Variants in COPG2 observed in about 807,000 individuals in gnomAD.
The protein encoded by COPG2 is coat protein complex I subunit gamma 2.
In COPG2, 37 loss-of-function variants were observed where a neutral mutation model predicts 46.3. That is an observed-to-expected ratio of 0.80 (90% CI 0.61 to 1.05). The LOEUF is 1.05. COPG2 is among the 50% of genes least tolerant of loss of function. COPG2 has a pLI of 0.00. For missense variants in COPG2, 427 were observed against 387.8 expected (o/e 1.10, Z -0.85); for synonymous variants, 159 against 129.7 (o/e 1.23, Z -1.53).
intron 5 of COPG2, among the ~76,000 whole-genome samples, chr7:130,632,889 C>T (rs1795257622): frequency 1.3e-5 from 2 of 152,114 alleles, no homozygotes; most frequent in Admixed American, 1.3e-4. Flanking sequence ...TGATATCCCT[C>T]CTCTAGCCCC....
intron 4 of COPG2, among the ~76,000 whole-genome samples, chr7:130,661,064 G>A (rs1795968131): frequency 6.6e-6 from 1 of 152,182 alleles, no homozygotes; most frequent in South Asian, 2.1e-4. Context: ...TCACCATGTA[G>A]CTGGAGAAAA....
intron 20 of COPG2, among the ~76,000 whole-genome samples, chr7:130,516,993 G>A (rs1263127295): frequency 3.3e-5 from 5 of 152,070 alleles, no homozygotes; most frequent in African/African-American, 1.2e-4. Flanking sequence ...CATGGGGAGG[G>A]GAGTATCCAG....
At chr7:130,520,464 A>G (rs1191336378) in intron 20 of COPG2, among the ~76,000 whole-genome samples, 4 of 152,252 alleles carry the variant, frequency 2.6e-5, no homozygotes, top group Non-Finnish European at 5.9e-5. Context: ...ATCACCAGCT[A>G]TCTGCTCATA....
intron 5 of COPG2, among the ~76,000 whole-genome samples, chr7:130,638,674 T>C (rs1795396561): frequency 6.6e-6 from 1 of 151,748 alleles, no homozygotes; most frequent in Non-Finnish European, 1.5e-5. Flanking sequence ...TCCGTGGGGG[T>C]GGGATCCACT....
chr7:130,511,124 A>C (rs1162246064), intron 20 of COPG2, among the ~76,000 whole-genome samples: 2 of 152,194 alleles, frequency 1.3e-5, no homozygotes, highest in African/African-American at 4.8e-5. Context: ...GAGTTGGGCC[A>C]GGGTACAGAA....
intron 20 of COPG2, chr7:130,508,866 TG>T: frequency 1.7e-6 from 1 of 577,102 alleles, no homozygotes; most frequent in Admixed American, 3.0e-5. Flanking sequence ...TTCCACGCTG[TG>T]GGTTACAGCA....
rs782190006 is a variant in COPG2 at position 130,603,721 on chromosome 7, CAAAA to C, written c.737+7228_737+7231del. 9.5e-3 allele frequency: 1,915 copies of C among 201,224 alleles called. 5 individuals are homozygous for C. Among genetic ancestry groups the C allele is most frequent in the East Asian group, 0.062 (404 of 6,526 alleles). The allele number at this position is 201,224 out of a possible 1,614,324, so 12.5% of individuals were successfully genotyped here. A position where few individuals can be genotyped will look rare whatever the true frequency, so the allele number is the denominator to read the frequency against. On this transcript the variant is annotated intron_variant, in intron 9 of 23. Coordinates refer to ENST00000425248, the MANE Select transcript of COPG2 (RefSeq NM_012133.6). ...GGGCAACAGGAGCAAAACTCAGTCT[CAAAA>C]AAAAAAAAAAAAAAAAAAAAATTTG...
intron 9 of COPG2, among the ~76,000 whole-genome samples, chr7:130,599,543 A>C (rs995377862): frequency 5.1e-4 from 77 of 150,076 alleles, no homozygotes; most frequent in African/African-American, 1.8e-3. Flanking sequence ...GCAGCCCCAA[A>C]CCCCCCTTGT....
chr7:130,625,045 TC>T (rs1795094630), intron 5 of COPG2, among the ~76,000 whole-genome samples: 1 of 152,232 alleles, frequency 6.6e-6, no homozygotes, highest in Non-Finnish European at 1.5e-5. Flanking sequence ...GTAATAATGT[TC>T]CCTTTTTATC....
intron 20 of COPG2, chr7:130,508,895 T>G: frequency 1.8e-6 from 1 of 553,992 alleles, no homozygotes; most frequent in South Asian, 1.9e-5. Flanking sequence ...AATGATAACA[T>G]GGGCAGACTG....
Position 130,554,356 on chromosome 7 carries a change from C to A in COPG2, c.1468+125G>T, listed in dbSNP as rs36195094. On this transcript the variant is annotated intron_variant, in intron 14 of 23. Transcript: ENST00000425248. ...TTGAGTACAAAGAAAGATATCTGGG[C>A]CCTAAGCATGCTCTAAAATCCCACC... 2,936 of 395,566 alleles carry A rather than the reference C, an allele frequency of 7.4e-3. 22 individuals are homozygous for A. The highest frequency in any genetic ancestry group is 0.011 in the Non-Finnish European group (2,505 of 224,542). 24.5% of individuals were successfully genotyped at this position (395,566 alleles called of 1,614,324 possible). A position where few individuals can be genotyped will look rare whatever the true frequency, so the allele number is the denominator to read the frequency against.
At chr7:130,572,894 A>G (rs1793933546) in intron 9 of COPG2, among the ~76,000 whole-genome samples, 1 of 151,736 alleles carries the variant, frequency 6.6e-6, no homozygotes, top group Admixed American at 6.6e-5. Context: ...AAATAATAAT[A>G]AAAAAAATCA....
chr7:130,648,602 G>T (rs916900501), intron 5 of COPG2, among the ~76,000 whole-genome samples: 1 of 152,202 alleles, frequency 6.6e-6, no homozygotes, highest in African/African-American at 2.4e-5. Flanking sequence ...ACAAGGACGG[G>T]ACTGCCGTAG....
chr7:130,609,212 T>C (rs1584575492), intron 9 of COPG2, among the ~76,000 whole-genome samples: 2 of 152,018 alleles, frequency 1.3e-5, no homozygotes, highest in African/African-American at 2.4e-5. Flanking sequence ...TTCTCATCCA[T>C]TGATATGGTT....
chr7:130,609,452 T>C (rs1486941171), intron 9 of COPG2, among the ~76,000 whole-genome samples: 2 of 152,186 alleles, frequency 1.3e-5, no homozygotes, highest in Non-Finnish European at 2.9e-5. Context: ...CCTTCCACCA[T>C]GATTGTGAGG....
At chr7:130,594,278 A>G (rs1322354243) in intron 9 of COPG2, among the ~76,000 whole-genome samples, 3 of 152,220 alleles carry the variant, frequency 2.0e-5, no homozygotes, top group Non-Finnish European at 4.4e-5. Flanking sequence ...ATCGTTTTTC[A>G]TGAAACGGTG....
chr7:130,588,963 G>A (rs1053007622), intron 9 of COPG2, among the ~76,000 whole-genome samples: 1 of 151,920 alleles, frequency 6.6e-6, no homozygotes, highest in Non-Finnish European at 1.5e-5. Flanking sequence ...ATACACACAA[G>A]GAGAAACTAT....
At chr7:130,667,436 A>G (rs1469167606) in intron 2 of COPG2, 46 bp downstream of exon 2, 3 of 1,538,896 alleles carry the variant, frequency 1.9e-6, no homozygotes, top group Non-Finnish European at 2.7e-6. Context: ...CCACCACTCT[A>G]AAACAGAATA....
At chr7:130,530,568 A>G in intron 20 of COPG2, among the ~76,000 whole-genome samples, 1 of 152,210 alleles carries the variant, frequency 6.6e-6, no homozygotes, top group Admixed American at 6.5e-5. Context: ...GCACATCCCT[A>G]TGGAGAAGAG....
Sources: allele counts gnomAD v4.1 joint callset (sites outside exome capture counted in the v4.1 genomes callset), GRCh38; gene constraint gnomAD v4.1.1; transcripts MANE v1.5; gene names NCBI Gene and HGNC (gene_info 2026-07-23, HGNC 2026-07-21).